The following SMIM23 variants were observed in gnomAD, a reference collection of about 807,000 sequenced individuals.
The protein encoded by SMIM23 is small integral membrane protein 23.
In SMIM23, 10 loss-of-function variants were observed where a neutral mutation model predicts 12.8. That is an observed-to-expected ratio of 0.78 (90% CI 0.48 to 1.32). SMIM23 has a LOEUF of 1.32. SMIM23 is among the 40% of genes most tolerant of loss of function. The pLI, the probability that SMIM23 is intolerant of heterozygous loss-of-function variation, is 0.00. For synonymous variants in SMIM23, 78 were observed against 80.1 expected (o/e 0.97, Z 0.14); for missense variants, 184 against 198.2 (o/e 0.93, Z 0.43).
At chr5:171,774,873 C>T in the SMIM23 span, 15 of 328,536 alleles carry the variant, frequency 4.6e-5, 1 homozygote, top group East Asian at 8.4e-4. Flanking sequence ...TTTTTATTAA[C>T]GTGGCCTGAA....
At chr5:171,785,553 T>G (rs933582428), upstream of SMIM23, among the ~76,000 whole-genome samples, 2 of 152,144 alleles carry the variant, frequency 1.3e-5, no homozygotes, top group African/African-American at 4.8e-5. Context: ...CCCAAACTAT[T>G]GTTTTTATAT....
At chr5:171,786,556 C>A (rs1755820620) in intron 1 of SMIM23, among the ~76,000 whole-genome samples, 1 of 152,182 alleles carries the variant, frequency 6.6e-6, no homozygotes, top group African/African-American at 2.4e-5. Flanking sequence ...AAACCAGGTT[C>A]ATCTGCTATG....
intron 1 of SMIM23, among the ~76,000 whole-genome samples, chr5:171,788,791 A>G (rs752372681): frequency 2.0e-4 from 31 of 152,228 alleles, no homozygotes; most frequent in Non-Finnish European, 2.9e-4. Context: ...TTACCAACTC[A>G]TTTTAAGGGG....
upstream of SMIM23, among the ~76,000 whole-genome samples, chr5:171,779,193 C>A (rs56155954): frequency 0.15 from 22,775 of 152,170 alleles, 2,180 homozygotes; most frequent in Non-Finnish European, 0.21. Context: ...AGGTTTCATA[C>A]AAAAGACTGA....
At chr5:171,778,385 G>A (rs1755673214), upstream of SMIM23, among the ~76,000 whole-genome samples, 1 of 149,520 alleles carries the variant, frequency 6.7e-6, no homozygotes, top group African/African-American at 2.5e-5. Flanking sequence ...AGATTTTCCT[G>A]GATTATCCAA....
At chr5:171,780,973 C>T (rs1160214707), upstream of SMIM23, among the ~76,000 whole-genome samples, 1 of 152,132 alleles carries the variant, frequency 6.6e-6, no homozygotes, top group Admixed American at 6.5e-5. Flanking sequence ...TCAGTCTCCC[C>T]ATCTGTAAAA....
upstream of SMIM23, among the ~76,000 whole-genome samples, chr5:171,783,159 C>T (rs1009488697): frequency 2.6e-5 from 4 of 152,084 alleles, no homozygotes; most frequent in African/African-American, 7.2e-5. Flanking sequence ...ACAAATGAAA[C>T]GGAAGACCTA....
chr5:171,776,672 T>C, the SMIM23 span, among the ~76,000 whole-genome samples: 3 of 152,254 alleles, frequency 2.0e-5, no homozygotes, highest in African/African-American at 7.2e-5. Flanking sequence ...ATTCTATCAG[T>C]CCTGAAATCA....
chr5:171,787,030 T>C (rs1755832104), intron 1 of SMIM23, among the ~76,000 whole-genome samples: 1 of 95,182 alleles, frequency 1.1e-5, no homozygotes, highest in African/African-American at 3.5e-5. Flanking sequence ...TTTTTTTTTT[T>C]TTTTTTCTGA....
At chr5:171,786,866 T>C (rs191765513) in intron 1 of SMIM23, among the ~76,000 whole-genome samples, 312 of 152,234 alleles carry the variant, frequency 2.0e-3, no homozygotes, top group Middle Eastern at 3.4e-3. Context: ...GAAGGCTGCA[T>C]ACCCGCATCC....
At chr5:171,779,492 G>A (rs1339032117), upstream of SMIM23, among the ~76,000 whole-genome samples, 1 of 152,142 alleles carries the variant, frequency 6.6e-6, no homozygotes, top group Admixed American at 6.5e-5. Flanking sequence ...GGCCCAGGTT[G>A]TGAGGTCTTT....
At position 171,790,897 on chromosome 5, in the gene SMIM23, GA is replaced by G; in HGVS notation, c.329del (p.Glu110GlyfsTer8). 6.5e-7 allele frequency: 1 copy of G among 1,536,174 alleles called. No individual in the cohort carries two copies. The highest frequency in any genetic ancestry group is 2.0e-5 in the Admixed American group (1 of 51,004). ...LHVFSEKLEE[E>X]VQQLEQLAWD... ...TGTCTTCTCGGAGAAGTTAGAGGAA[GA>G]GGTGCAGCAGCTGGAGCAGCTAGCG... On this transcript the variant is annotated frameshift_variant, in exon 4 of 4. Transcript: ENST00000523047. LOFTEE classifies it low-confidence loss of function (END_TRUNC).
chr5:171,787,225 G>A (rs944782163), intron 1 of SMIM23, among the ~76,000 whole-genome samples: 1 of 151,880 alleles, frequency 6.6e-6, no homozygotes, highest in Non-Finnish European at 1.5e-5. Flanking sequence ...TCGCCATATT[G>A]GCCAGGCTGG....
At chr5:171,790,425 G>T in intron 2 of SMIM23, 57 bp from the exon 3 acceptor site, 2 of 1,527,598 alleles carry the variant, frequency 1.3e-6, no homozygotes, top group Non-Finnish European at 1.8e-6. Context: ...AACTAACCAT[G>T]TTTATTTCAA....
the SMIM23 span, among the ~76,000 whole-genome samples, chr5:171,775,552 C>T: frequency 1.3e-5 from 2 of 152,186 alleles, no homozygotes; most frequent in African/African-American, 2.4e-5. Flanking sequence ...TTTGACTTAC[C>T]GTAAGTGCCT....
chr5:171,773,855 T>C, the SMIM23 span: 1 of 456,308 alleles, frequency 2.2e-6, no homozygotes, highest in Non-Finnish European at 4.4e-6. Flanking sequence ...AGACAACTTA[T>C]TTTAAAAAAT....
chr5:171,776,020 A>G, the SMIM23 span, among the ~76,000 whole-genome samples: 2 of 152,090 alleles, frequency 1.3e-5, no homozygotes, highest in Non-Finnish European at 2.9e-5. Context: ...TATAGGCATG[A>G]GCCACCATGC....
upstream of SMIM23, among the ~76,000 whole-genome samples, chr5:171,777,769 A>T (rs1425504680): frequency 1.3e-5 from 2 of 152,044 alleles, no homozygotes; most frequent in Admixed American, 1.3e-4. Flanking sequence ...GAGCGGCAAC[A>T]CTCAGCTGCT....
upstream of SMIM23, among the ~76,000 whole-genome samples, chr5:171,779,402 T>C (rs914587204): frequency 1.7e-4 from 26 of 152,212 alleles, no homozygotes; most frequent in Non-Finnish European, 1.8e-4. Context: ...GAGTTTGCAA[T>C]GTTTGTTATA....
Sources: allele counts gnomAD v4.1 joint callset (sites outside exome capture counted in the v4.1 genomes callset), GRCh38; gene constraint gnomAD v4.1.1; transcripts MANE v1.5; gene names NCBI Gene and HGNC (gene_info 2026-07-23, HGNC 2026-07-21).